SNRPN: variants seen among roughly 807,000 people sequenced by gnomAD.
SNRPN encodes small nuclear ribonucleoprotein polypeptide N.
A neutral mutation model predicts 25.2 loss-of-function variants in SNRPN; 7 were observed. The ratio of observed to expected loss-of-function variants is 0.28; its 90% CI spans 0.16 to 0.52. The LOEUF is 0.52. Among genes scored for constraint, SNRPN ranks in the 20% least tolerant of loss-of-function variants. The probability of loss-of-function intolerance (pLI) is 0.96; values close to 1 mark genes in which losing one functional copy is unlikely to be tolerated. For missense variants in SNRPN, 196 were observed against 322.5 expected (o/e 0.61, Z 3.00); for synonymous variants, 124 against 110.6 (o/e 1.12, Z -0.76).
At chr15:24,903,861 C>T (rs1345816055) in intron 2 of SNRPN, among the ~76,000 whole-genome samples, 1 of 151,942 alleles carries the variant, frequency 6.6e-6, no homozygotes, top group Non-Finnish European at 1.5e-5. Flanking sequence ...GGATAAACCC[C>T]ATCTCTACAA....
At position 24,948,716 on chromosome 15, in the gene SNRPN, C is replaced by T. The variant is rs868437261; in HGVS notation, c.-390-13398C>T. 2.6e-5 allele frequency among the ~76,000 whole-genome samples: 4 copies of T among 151,968 alleles called. No individual in the cohort carries two copies. The East Asian group carries it at 5.8e-4, about 22-fold the overall frequency. Reference sequence around the variant, plus strand: ...CTTGACAGTTTTGGGGATTACTGGTCGAATGTTTGTAGAATGTCCCTCAAT... The same window carrying T: ...CTTGACAGTTTTGGGGATTACTGGTTGAATGTTTGTAGAATGTCCCTCAAT... On this transcript the variant is annotated intron_variant, in intron 3 of 11. Transcript: ENST00000400097.
intron 2 of SNRPN, among the ~76,000 whole-genome samples, chr15:24,919,421 ACT>A (rs775900815): frequency 1.9e-3 from 233 of 123,378 alleles, no homozygotes; most frequent in Non-Finnish European, 2.6e-3. Context: ...ACAGAGCGAG[ACT>A]CTGTCTCAAA....
chr15:24,855,661 G>A (rs763248458), upstream of SNRPN, among the ~76,000 whole-genome samples: 10 of 151,682 alleles, frequency 6.6e-5, no homozygotes, highest in East Asian at 1.4e-3. Flanking sequence ...GCATGCTGGC[G>A]GGCACCTGTA....
chr15:24,827,229 A>G (rs983333435), intron 1 of SNRPN, among the ~76,000 whole-genome samples: 2 of 152,036 alleles, frequency 1.3e-5, no homozygotes, highest in African/African-American at 4.8e-5. Flanking sequence ...GAAACACTGT[A>G]TGCAGCCGGG....
At position 24,975,597 on chromosome 15, in the gene SNRPN, CTG is replaced by C. The variant is rs970093629; in HGVS notation, c.155+89_155+90del. ...TGGAGTAAGGGATTTCCGAGGGTAA[CTG>C]AAGTAGTTAGGGAAACTATGGTAGA... On this transcript the variant is annotated intron_variant, in intron 5 of 9. Coordinates refer to ENST00000390687, the MANE Select transcript of SNRPN (RefSeq NM_003097.6). The C allele has an allele frequency of 7.2e-6, 8 of 1,103,612 alleles. No individual in the cohort carries two copies. In the African/African-American group the frequency reaches 1.2e-4, roughly 17 times the overall value. The allele number at this position is 1,103,612 out of a possible 1,614,324, so 68.4% of individuals were successfully genotyped here.
chr15:24,834,841 G>A (rs1219782015), intron 2 of SNRPN, among the ~76,000 whole-genome samples: 2 of 135,928 alleles, frequency 1.5e-5, no homozygotes, highest in Non-Finnish European at 3.1e-5. Context: ...CAGGAGAATC[G>A]CTTGAATCTG....
chr15:24,831,516 T>C (rs752281169), intron 2 of SNRPN, among the ~76,000 whole-genome samples: 1 of 152,056 alleles, frequency 6.6e-6, no homozygotes, highest in Non-Finnish European at 1.5e-5. Flanking sequence ...TTCTTCATTT[T>C]TCATAATGCA....
intron 3 of SNRPN, among the ~76,000 whole-genome samples, chr15:24,971,522 GTTA>G (rs1236043835): frequency 2.6e-5 from 4 of 151,446 alleles, no homozygotes; most frequent in East Asian, 1.9e-4. Context: ...AGCTATACAG[GTTA>G]TTATTATATT....
At chr15:24,841,477 C>T (rs981402574) in intron 2 of SNRPN, among the ~76,000 whole-genome samples, 5 of 152,080 alleles carry the variant, frequency 3.3e-5, no homozygotes, top group African/African-American at 7.2e-5. Flanking sequence ...CAATGTCATC[C>T]GTTTAATTAT....
At chr15:24,892,043 G>A (rs2057721675) in intron 2 of SNRPN, among the ~76,000 whole-genome samples, 1 of 146,432 alleles carries the variant, frequency 6.8e-6, no homozygotes. Context: ...TATTCATGGA[G>A]AAGGTTTTTA....
intron 1 of SNRPN, among the ~76,000 whole-genome samples, chr15:24,956,883 C>T (rs1423490657): frequency 6.6e-6 from 1 of 152,192 alleles, no homozygotes; most frequent in South Asian, 2.1e-4. Flanking sequence ...CTGCAGTAAA[C>T]TAGAGTGGTG....
chr15:24,850,350 G>A (rs976268774), intron 2 of SNRPN: 1 of 151,878 alleles, frequency 6.6e-6, no homozygotes, highest in African/African-American at 2.4e-5. Flanking sequence ...TCTCTTTGTT[G>A]TCCAGGCTGG....
intron 2 of SNRPN, among the ~76,000 whole-genome samples, chr15:24,889,321 G>C (rs2057452571): frequency 1.3e-5 from 2 of 151,662 alleles, no homozygotes; most frequent in Non-Finnish European, 2.9e-5. Context: ...TTTTATTTTT[G>C]AGACGGAGTC....
intron 1 of SNRPN, among the ~76,000 whole-genome samples, chr15:24,957,393 CTT>C (rs2063107739): frequency 6.6e-6 from 1 of 152,112 alleles, no homozygotes; most frequent in African/African-American, 2.4e-5. Flanking sequence ...CAGTTACTGT[CTT>C]TTTTTGGATT....
At chr15:24,937,348 A>G (rs2061297621) in intron 3 of SNRPN, among the ~76,000 whole-genome samples, 1 of 152,226 alleles carries the variant, frequency 6.6e-6, no homozygotes, top group African/African-American at 2.4e-5. Flanking sequence ...TTTACAAAAC[A>G]AAACAAAACA....
intron 3 of SNRPN, among the ~76,000 whole-genome samples, chr15:24,939,701 G>A (rs898188548): frequency 3.3e-5 from 5 of 151,450 alleles, no homozygotes; most frequent in Non-Finnish European, 7.4e-5. Flanking sequence ...CCAAAGTACT[G>A]GGATTACAGG....
intron 4 of SNRPN, chr15:24,974,825 C>T (rs984386177): frequency 1.5e-6 from 1 of 670,380 alleles, no homozygotes; most frequent in Non-Finnish European, 2.7e-6. Flanking sequence ...TCCCAAAGTG[C>T]TGGGATTACA....
At position 24,877,311 on chromosome 15, in the gene SNRPN, A is replaced by AT. The variant is rs1281766369; in HGVS notation, c.-578-9202dup. Among the ~76,000 whole-genome samples the AT allele has an allele frequency of 2.6e-5, 4 of 152,280 alleles. No homozygotes were observed. The East Asian group carries it at 7.7e-4, about 29-fold the overall frequency. On this transcript the variant is annotated intron_variant, in intron 1 of 11. Coordinates refer to the SNRPN transcript ENST00000400097. ...TGCTTTCATGCCTTAAAGTCACCTT[A>AT]TTTGTATTTCAGAAGCACGTGCTAC... is the stretch of plus-strand genomic sequence containing the variant.
At chr15:24,926,768 G>C (rs1269863084) in intron 3 of SNRPN, among the ~76,000 whole-genome samples, 1 of 152,062 alleles carries the variant, frequency 6.6e-6, no homozygotes, top group East Asian at 1.9e-4. Context: ...ACCGTGGGAG[G>C]CTGAGATGGG....
Sources: allele counts gnomAD v4.1 joint callset (sites outside exome capture counted in the v4.1 genomes callset), GRCh38; gene constraint gnomAD v4.1.1; transcripts MANE v1.5; gene names NCBI Gene and HGNC (gene_info 2026-07-23, HGNC 2026-07-21).